STAU2: variants seen among roughly 807,000 people sequenced by gnomAD.
The protein encoded by STAU2 is double-stranded RNA-binding protein Staufen homolog 2.
A neutral mutation model predicts 65.9 loss-of-function variants in STAU2; 20 were observed. That is an observed-to-expected ratio of 0.30 (90% CI 0.21 to 0.44). STAU2 has a LOEUF of 0.44. STAU2 is among the 20% of genes least tolerant of loss of function. The pLI, the probability that STAU2 is intolerant of heterozygous loss-of-function variation, is 1.00. For synonymous variants in STAU2, 232 were observed against 233.9 expected, an observed-to-expected ratio of 0.99 and a Z score of 0.07; for missense variants, 558 against 683.9, an observed-to-expected ratio of 0.82 and a Z score of 2.05.
intron 1 of STAU2, among the ~76,000 whole-genome samples, chr8:73,741,097 A>T (rs1030810277): frequency 9.3e-5 from 14 of 150,432 alleles, no homozygotes; most frequent in African/African-American, 3.4e-4. Flanking sequence ...TGAGGTCAGG[A>T]GATCGAGACC....
At chr8:73,623,112 G>GT (rs1315626177) in intron 6 of STAU2, among the ~76,000 whole-genome samples, 2 of 152,128 alleles carry the variant, frequency 1.3e-5, no homozygotes, top group Non-Finnish European at 2.9e-5. Context: ...ATTCCTTACA[G>GT]TTTTTTTGAG....
At chr8:73,651,510 T>C in intron 6 of STAU2, 1 of 750,214 alleles carries the variant, frequency 1.3e-6, no homozygotes. Flanking sequence ...CACGCACCCC[T>C]GGCTTTCCAC....
At chr8:73,486,707 G>A (rs190037601) in intron 13 of STAU2, among the ~76,000 whole-genome samples, 1 of 149,806 alleles carries the variant, frequency 6.7e-6, no homozygotes, top group African/African-American at 2.5e-5. Context: ...AGACTGGAGT[G>A]TAGTGGCATA....
At chr8:73,433,446 C>T (rs967638173) in intron 13 of STAU2, among the ~76,000 whole-genome samples, 4 of 150,430 alleles carry the variant, frequency 2.7e-5, no homozygotes, top group South Asian at 2.1e-4. Context: ...CCTCATGATC[C>T]GCCCACCTCG....
chr8:73,464,955 A>G (rs1053394825), intron 13 of STAU2, among the ~76,000 whole-genome samples: 9 of 152,252 alleles, frequency 5.9e-5, no homozygotes, highest in Non-Finnish European at 1.0e-4. Context: ...TCATTGCCCA[A>G]TGGAGGATGC....
intron 9 of STAU2, among the ~76,000 whole-genome samples, chr8:73,605,690 T>TG (rs776331509): frequency 1.3e-5 from 2 of 151,120 alleles, no homozygotes; most frequent in Non-Finnish European, 2.9e-5. Flanking sequence ...ACCAAAATTT[T>TG]GGGGGAAAAA....
At chr8:73,544,017 T>C (rs984022595) in intron 13 of STAU2, among the ~76,000 whole-genome samples, 6 of 152,232 alleles carry the variant, frequency 3.9e-5, no homozygotes, top group African/African-American at 1.4e-4. Flanking sequence ...CCTCTAAGTT[T>C]ATTCATCTCA....
chr8:73,542,946 T>A (rs922057763), intron 13 of STAU2, among the ~76,000 whole-genome samples: 1 of 152,210 alleles, frequency 6.6e-6, no homozygotes, highest in Non-Finnish European at 1.5e-5. Flanking sequence ...CCAAGAGAAC[T>A]GGAAACATAT....
In STAU2 at chr8:73,471,173, C is replaced by CTTT. The variant is rs35701266; in HGVS notation, c.1531-48474_1531-48472dup. Among the ~76,000 whole-genome samples the CTTT allele has an allele frequency of 1.3e-3, 167 of 124,854 alleles. 2 individuals carry two copies. The highest frequency in any genetic ancestry group is 1.9e-3 in the Non-Finnish European group (116 of 60,680). The allele number at this position is 124,854 out of a possible 152,430, so 81.9% of individuals were successfully genotyped here. A position where few individuals can be genotyped will look rare whatever the true frequency, so the allele number is the denominator to read the frequency against. ...TAATTTTCTGACATTCTAATTCTCT[C>CTTT]TTTTTTTTTTTTTTTTTGAGACAGA... On this transcript the variant is annotated intron_variant, in intron 13 of 14. Transcript: ENST00000524300.
chr8:73,437,286 T>C (rs912490059), intron 13 of STAU2, among the ~76,000 whole-genome samples: 1 of 152,162 alleles, frequency 6.6e-6, no homozygotes, highest in Non-Finnish European at 1.5e-5. Flanking sequence ...ATTATACAGG[T>C]GGGCCCAATC....
intron 11 of STAU2, 92 bp downstream of exon 11, chr8:73,595,074 G>C: frequency 8.8e-7 from 1 of 1,137,344 alleles, no homozygotes; most frequent in Non-Finnish European, 1.2e-6. Flanking sequence ...AGTTAAAATT[G>C]ACATTTACTT....
At chr8:73,547,316 T>C (rs1807001466) in intron 13 of STAU2, among the ~76,000 whole-genome samples, 1 of 151,748 alleles carries the variant, frequency 6.6e-6, no homozygotes, top group African/African-American at 2.4e-5. Flanking sequence ...GTAGTTTTTA[T>C]ATGCACCAGG....
At chr8:73,673,323 T>A in intron 5 of STAU2, 81 bp from the exon 6 acceptor site, 1 of 1,312,540 alleles carries the variant, frequency 7.6e-7, no homozygotes, top group Non-Finnish European at 9.9e-7. Context: ...ATACAACGCT[T>A]AAATACCATG....
intron 13 of STAU2, among the ~76,000 whole-genome samples, chr8:73,435,377 C>T (rs1817613469): frequency 6.6e-6 from 1 of 151,906 alleles, no homozygotes; most frequent in African/African-American, 2.4e-5. Flanking sequence ...AAAAATATTC[C>T]TCAGCTGATG....
intron 13 of STAU2, among the ~76,000 whole-genome samples, chr8:73,531,088 G>A (rs1052985741): frequency 2.6e-5 from 4 of 152,154 alleles, no homozygotes; most frequent in Non-Finnish European, 4.4e-5. Flanking sequence ...AAGTGTGCAG[G>A]AAGGTGTCTC....
At chr8:73,516,293 G>A (rs974755614) in intron 13 of STAU2, among the ~76,000 whole-genome samples, 2 of 151,810 alleles carry the variant, frequency 1.3e-5, no homozygotes, top group South Asian at 2.1e-4. Flanking sequence ...AGGTTTGCTC[G>A]TAGCATTATC....
At chr8:73,636,214 A>G (rs985166343) in intron 6 of STAU2, among the ~76,000 whole-genome samples, 10 of 152,140 alleles carry the variant, frequency 6.6e-5, no homozygotes, top group Non-Finnish European at 1.2e-4. Context: ...ACAAAACCCC[A>G]TATCTACAAA....
chr8:73,705,833 A>G (rs894856904), intron 4 of STAU2, among the ~76,000 whole-genome samples: 1 of 152,220 alleles, frequency 6.6e-6, no homozygotes, highest in Non-Finnish European at 1.5e-5. Flanking sequence ...ACCTGTCAGC[A>G]TGATATAAGA....
intron 13 of STAU2, chr8:73,550,508 G>A: frequency 1.0e-6 from 1 of 986,402 alleles, no homozygotes. Flanking sequence ...GTTACTCTCA[G>A]ACATTTCTAA....
Sources: gnomAD v4.1 joint callset for allele counts (sites outside exome capture counted in the v4.1 genomes callset) on GRCh38, gnomAD v4.1.1 for gene constraint, MANE v1.5 for transcripts, NCBI Gene and HGNC (gene_info 2026-07-23, HGNC 2026-07-21) for gene names.